Variants in RO60 observed in about 807,000 individuals in gnomAD.
RO60 encodes the protein RNA-binding protein RO60.
Under a neutral mutation model 55.3 loss-of-function variants are expected in RO60, and 20 were observed. The ratio of observed to expected loss-of-function variants is 0.36; its 90% CI spans 0.25 to 0.53. The LOEUF is 0.53. RO60 is among the 20% of genes least tolerant of loss of function. The probability of loss-of-function intolerance (pLI) is 0.92; values close to 1 mark genes in which losing one functional copy is unlikely to be tolerated. For synonymous variants in RO60, 213 were observed against 213.6 expected (o/e 1.00, Z 0.02); for missense variants, 558 against 646.6 (o/e 0.86, Z 1.49).
chr1:193,079,952 C>A (rs1431580196), intron 5 of RO60, among the ~76,000 whole-genome samples: 3 of 149,376 alleles, frequency 2.0e-5, no homozygotes, highest in Non-Finnish European at 4.4e-5. Flanking sequence ...CATGGTGATA[C>A]CCCGTCTCTA....
chr1:193,060,044 C>G (rs369237382), intron 1 of RO60: 5 of 1,340,594 alleles, frequency 3.7e-6, no homozygotes, highest in African/African-American at 1.5e-5. Flanking sequence ...TCCTGCTTGT[C>G]GGCATCGCTC....
chr1:193,081,711 G>T (rs1399861201), intron 6 of RO60, among the ~76,000 whole-genome samples: 2 of 151,768 alleles, frequency 1.3e-5, no homozygotes, highest in Non-Finnish European at 2.9e-5. Flanking sequence ...TACAACAAAA[G>T]ATTAAATATT....
Position 193,084,579 on chromosome 1 carries a change from A to G in RO60, c.1465A>G (p.Lys489Glu). ...PAIALREYRK[K>E]MDIPAKLIVC... is the part of the protein sequence containing the mutation. ...TATGTATTTTGGTCTTTTTCTACAGAAAATGGATATTCCAGCTAAATTGAT... is the reference window on the plus strand; with the variant it reads ...TATGTATTTTGGTCTTTTTCTACAGGAAATGGATATTCCAGCTAAATTGAT... The change falls in exon 9 of 9, where the codon AAA becomes GAA. Residue 489 changes from lysine (K) to glutamate (E), a missense_variant and splice_region_variant. Coordinates refer to ENST00000400968, the MANE Select transcript of RO60 (RefSeq NM_001173524.2). 6.2e-7 allele frequency: 1 copy of G among 1,608,814 alleles called. No homozygotes were observed. Among genetic ancestry groups the G allele is most frequent in the Non-Finnish European group, 8.5e-7 (1 of 1,178,492 alleles).
In RO60 at chr1:193,075,833, G is replaced by A. The variant is rs757517156; in HGVS notation, c.594G>A (p.Val198=). Residue 198 remains valine, a synonymous_variant, in exon 3 of 9, where the codon GTG becomes GTA. Transcript: ENST00000400968. ...LKPSSEGLAI[V]TKYITKGWKE... ...ATCTTGTTAAAGGACTTGCAATTGT[G>A]ACCAAATATATTACAAAGGGCTGGA... The A allele has an allele frequency of 1.2e-6, 2 of 1,603,702 alleles. No homozygotes were observed. The highest frequency in any genetic ancestry group is 2.7e-5 in the African/African-American group (2 of 74,020).
At chr1:193,079,391 CTG>C (rs1320716946) in intron 5 of RO60, among the ~76,000 whole-genome samples, 1 of 151,916 alleles carries the variant, frequency 6.6e-6, no homozygotes, top group East Asian at 1.9e-4. Flanking sequence ...ATCTGGATGT[CTG>C]TTGACTTTTG....
In RO60 at chr1:193,076,545, A is replaced by G. The variant is rs1673933556; in HGVS notation, c.846A>G (p.Leu282=). 2.5e-6 allele frequency: 4 copies of G among 1,612,566 alleles called. No homozygotes were observed. The East Asian group carries it at 6.7e-5, about 27-fold the overall frequency. Residue 282 remains leucine (L), a synonymous_variant, in exon 4 of 9, where the codon CTA becomes CTG. Coordinates refer to ENST00000400968, the MANE Select transcript of RO60 (RefSeq NM_001173524.2). Reference sequence around the variant, plus strand: ...AAGAAATGCCGCTTACTGCATTACTAAGGAATCTAGGAAAGATGACTGCTA... The same window carrying G: ...AAGAAATGCCGCTTACTGCATTACTGAGGAATCTAGGAAAGATGACTGCTA... The part of the protein sequence containing the change: ...LLQEMPLTAL[L]RNLGKMTANS...
chr1:193,063,535 C>T (rs958021932), intron 1 of RO60, among the ~76,000 whole-genome samples: 1 of 151,968 alleles, frequency 6.6e-6, no homozygotes, highest in Non-Finnish European at 1.5e-5. Context: ...TGATGGTGTC[C>T]TTGGAAATAC....
chr1:193,083,743 A>T (rs1356868043), intron 8 of RO60, among the ~76,000 whole-genome samples: 2 of 152,100 alleles, frequency 1.3e-5, no homozygotes, highest in Non-Finnish European at 2.9e-5. Flanking sequence ...GTAAGGGAAT[A>T]GTTTTGTTTT....
chr1:193,062,917 T>G (rs1672875951), intron 1 of RO60, among the ~76,000 whole-genome samples: 1 of 152,242 alleles, frequency 6.6e-6, no homozygotes, highest in Admixed American at 6.5e-5. Context: ...TACCATATTT[T>G]TTTCATCCCT....
chr1:193,076,578 A>G lies in RO60; in HGVS notation c.879A>G (p.Val293=). The G allele has an allele frequency of 6.2e-7, 1 of 1,611,830 alleles. No homozygotes were observed. Among genetic ancestry groups the G allele is most frequent in the Non-Finnish European group, 8.5e-7 (1 of 1,179,180 alleles). The change falls in exon 4 of 9, where the codon GTA becomes GTG. Residue 293 remains valine, a synonymous_variant. Transcript: ENST00000400968. ...RNLGKMTANS[V]LEPGNSEVSL... Reference sequence around the variant, plus strand: ...TAGGAAAGATGACTGCTAATTCAGTACTTGAACCAGGAAATTCAGAAGTAT... The same window carrying G: ...TAGGAAAGATGACTGCTAATTCAGTGCTTGAACCAGGAAATTCAGAAGTAT...
rs1674804523 is a variant in RO60, at chr1:193,090,237, C to T, written c.*5506C>T. 1.3e-5 allele frequency: 2 copies of T among 151,988 alleles called. No homozygotes were observed. The highest frequency in any genetic ancestry group is 2.9e-5 in the Non-Finnish European group (2 of 68,004). The allele number at this position is 151,988 out of a possible 1,614,324, so 9.4% of individuals were successfully genotyped here. On this transcript the variant is annotated 3_prime_UTR_variant, in exon 9 of 9. Coordinates refer to ENST00000400968, the MANE Select transcript of RO60 (RefSeq NM_001173524.2). The stretch of plus-strand genomic sequence containing the variant: ...GTGGATATGGATATGTGGATAAAGA[C>T]AGTAAATGAAATTAAAACCCTGCTG...
Position 193,085,603 on chromosome 1 carries a change from C to T in RO60, c.*872C>T, listed in dbSNP as rs1427928606. ...AAATGTTTCAAGCGCTTAACTCCCC[C>T]TCATTCACAAAGTATAACAATTAAA... is the stretch of plus-strand genomic sequence containing the variant. On this transcript the variant is annotated 3_prime_UTR_variant, in exon 9 of 9. Transcript: ENST00000400968. 2 of 984,448 alleles carry T rather than the reference C, an allele frequency of 2.0e-6. No homozygotes were observed. The highest frequency in any genetic ancestry group is 6.2e-5 in the Admixed American group (1 of 16,238). The allele number at this position is 984,448 out of a possible 1,614,324, so 61.0% of individuals were successfully genotyped here.
Position 193,084,906 on chromosome 1 carries a change from T to C in RO60, c.*175T>C, listed in dbSNP as rs1674553766. 6.7e-7 allele frequency: 1 copy of C among 1,491,030 alleles called. No individual in the cohort carries two copies. Among genetic ancestry groups the C allele is most frequent in the African/African-American group, 1.4e-5 (1 of 70,216 alleles). 92.4% of individuals were successfully genotyped at this position (1,491,030 alleles called of 1,614,324 possible). ...AGGAAAAATAAGATGGGCCCAAAGG[T>C]CTATCTACTAAACTAGCTCTTGGGG... On this transcript the variant is annotated 3_prime_UTR_variant, in exon 9 of 9. Coordinates refer to ENST00000400968, the MANE Select transcript of RO60 (RefSeq NM_001173524.2).
At chr1:193,079,486 G>C (rs531850604) in intron 5 of RO60, among the ~76,000 whole-genome samples, 2 of 152,266 alleles carry the variant, frequency 1.3e-5, no homozygotes, top group African/African-American at 4.8e-5. Flanking sequence ...ACATACAAAA[G>C]AATGAAGTTG....
At chr1:193,081,236 T>C (rs1398746600) in intron 5 of RO60, 128 bp from the exon 6 acceptor site, 5 of 480,838 alleles carry the variant, frequency 1.0e-5, no homozygotes, top group African/African-American at 9.6e-5. Flanking sequence ...TAGTTGTCAA[T>C]TGGTATATCA....
intron 5 of RO60, among the ~76,000 whole-genome samples, chr1:193,080,148 A>C (rs189282546): frequency 1.8e-3 from 278 of 152,176 alleles, no homozygotes; most frequent in African/African-American, 6.5e-3. Flanking sequence ...CAAAAAAAAA[A>C]CATGAAAAAT....
Position 193,086,168 on chromosome 1 carries a change from G to A in RO60, c.*1437G>A, listed in dbSNP as rs1182365119. The stretch of plus-strand genomic sequence containing the variant: ...AATTATAGCCTTTTAGGTGCTTGGG[G>A]GTTAGAGGGTTTATGTTTTTTGGGA... On this transcript the variant is annotated 3_prime_UTR_variant, in exon 9 of 9. Coordinates refer to ENST00000400968, the MANE Select transcript of RO60 (RefSeq NM_001173524.2). 2.5e-6 allele frequency: 1 copy of A among 392,536 alleles called. No homozygotes were observed. Among genetic ancestry groups the A allele is most frequent in the African/African-American group, 2.2e-5 (1 of 45,514 alleles). The allele number at this position is 392,536 out of a possible 1,614,324, so 24.3% of individuals were successfully genotyped here.
In RO60 at chr1:193,081,499, A is replaced by G; in HGVS notation, c.1203+19A>G. On this transcript the variant is annotated intron_variant, in intron 6 of 8. Coordinates refer to ENST00000400968, the MANE Select transcript of RO60 (RefSeq NM_001173524.2). Reference sequence around the variant, plus strand: ...GTGCATGGTGAGAACACCTAAGACAATTTTGCCATTCTAAAAACATGTTTA... The same window carrying G: ...GTGCATGGTGAGAACACCTAAGACAGTTTTGCCATTCTAAAAACATGTTTA... 2 of 1,456,694 alleles carry G rather than the reference A, an allele frequency of 1.4e-6. No homozygotes were observed. Among genetic ancestry groups the G allele is most frequent in the Non-Finnish European group, 1.9e-6 (2 of 1,042,504 alleles). The allele number at this position is 1,456,694 out of a possible 1,614,324, so 90.2% of individuals were successfully genotyped here.
chr1:193,085,018 T>C lies in RO60; in HGVS notation c.*287T>C. On this transcript the variant is annotated 3_prime_UTR_variant, in exon 9 of 9. Coordinates refer to ENST00000400968, the MANE Select transcript of RO60 (RefSeq NM_001173524.2). ...TGTAAAATAGTTTTGCTTTGTTGAATAATACGTGTGTACCTAAAAGAGGTA... is the reference window on the plus strand; with the variant it reads ...TGTAAAATAGTTTTGCTTTGTTGAACAATACGTGTGTACCTAAAAGAGGTA... The C allele has an allele frequency of 1.3e-6, 2 of 1,544,422 alleles. No individual in the cohort carries two copies. The highest frequency in any genetic ancestry group is 1.7e-6 in the Non-Finnish European group (2 of 1,145,370).
Sources: gnomAD v4.1 joint callset for allele counts (sites outside exome capture counted in the v4.1 genomes callset) on GRCh38, gnomAD v4.1.1 for gene constraint, MANE v1.5 for transcripts, NCBI Gene and HGNC (gene_info 2026-07-23, HGNC 2026-07-21) for gene names.